Variants in PRCP observed in about 807,000 individuals in gnomAD.
PRCP encodes the protein lysosomal Pro-X carboxypeptidase.
A neutral mutation model predicts 54.2 loss-of-function variants in PRCP; 46 were observed. The observed-to-expected ratio is 0.85, with a 90% CI of 0.67 to 1.09. The LOEUF (loss-of-function observed/expected upper bound fraction) is 1.09, where lower values mean the gene tolerates loss of function less well. Ranked by LOEUF, PRCP falls within the 50% of genes least tolerant of loss-of-function variation. The pLI, the probability that PRCP is intolerant of heterozygous loss-of-function variation, is 0.00. For missense variants in PRCP, 613 were observed against 596.8 expected (o/e 1.03, Z -0.28); for synonymous variants, 240 against 212.2 (o/e 1.13, Z -1.14).
chr11:82,862,042 T>G (rs1859216713), intron 1 of PRCP, among the ~76,000 whole-genome samples: 2 of 151,856 alleles, frequency 1.3e-5, no homozygotes, highest in African/African-American at 4.8e-5. Flanking sequence ...TTAGGTATAT[T>G]CAGTCAGTAA....
intron 1 of PRCP, among the ~76,000 whole-genome samples, chr11:82,861,018 A>G (rs1030718746): frequency 2.6e-5 from 4 of 152,218 alleles, no homozygotes; most frequent in African/African-American, 9.6e-5. Flanking sequence ...AAAACAAATT[A>G]AACATAAAAA....
intron 6 of PRCP, among the ~76,000 whole-genome samples, chr11:82,848,736 A>G (rs1343254632): frequency 6.6e-6 from 1 of 152,334 alleles, no homozygotes; most frequent in East Asian, 1.9e-4. Flanking sequence ...TGCAAAGTAC[A>G]CAGCCCAGGA....
At chr11:82,861,718 A>G (rs1370966292) in intron 1 of PRCP, among the ~76,000 whole-genome samples, 2 of 152,250 alleles carry the variant, frequency 1.3e-5, no homozygotes, top group East Asian at 3.8e-4. Context: ...CTGAAGGTAG[A>G]ACATTTTACA....
At chr11:82,840,737 G>A (rs937378007) in intron 6 of PRCP, 2 of 151,784 alleles carry the variant, frequency 1.3e-5, no homozygotes, top group Non-Finnish European at 2.9e-5. Context: ...AATACACCAT[G>A]TAATCTTCAA....
At position 82,853,206 on chromosome 11, in the gene PRCP, A is replaced by G; in HGVS notation, c.382T>C (p.Ser128Pro). ...VFAEHRYYGE[S>P]LPFGDNSFKD... ...AATGAGTTGTCACCAAAGGGGAGAG[A>G]CTCTCCATAGTATCGATGTTCAGCA... Residue 128 changes from serine (S) to proline (P), a missense_variant, in exon 3 of 9, where the codon TCT (serine) becomes CCT (proline). By Grantham distance (74) the Ser-to-Pro change is moderately conservative. Coordinates refer to ENST00000313010, the MANE Select transcript of PRCP (RefSeq NM_005040.4). 6.2e-7 allele frequency: 1 copy of G among 1,610,574 alleles called. No individual in the cohort carries two copies. The highest frequency in any genetic ancestry group is 8.5e-7 in the Non-Finnish European group (1 of 1,177,910).
At chr11:82,879,712 T>C (rs1859700578) in intron 1 of PRCP, among the ~76,000 whole-genome samples, 2 of 152,306 alleles carry the variant, frequency 1.3e-5, no homozygotes, top group South Asian at 4.1e-4. Flanking sequence ...CAGATGGGGT[T>C]TTGGTGTGGA....
chr11:82,889,806 G>T (rs1236500820), intron 1 of PRCP, among the ~76,000 whole-genome samples: 1 of 152,204 alleles, frequency 6.6e-6, no homozygotes, highest in African/African-American at 2.4e-5. Flanking sequence ...ACAGGATTTT[G>T]TTCTTAATAA....
intron 3 of PRCP, among the ~76,000 whole-genome samples, chr11:82,851,993 T>C (rs527519866): frequency 9.8e-5 from 15 of 152,324 alleles, no homozygotes; most frequent in African/African-American, 3.6e-4. Context: ...TTCATGCTAC[T>C]GACATATTCT....
At chr11:82,838,316 GGTTCT>G (rs1858574706) in intron 8 of PRCP, 66 bp downstream of exon 8, 1 of 1,388,362 alleles carries the variant, frequency 7.2e-7, no homozygotes, top group African/African-American at 1.4e-5. Flanking sequence ...GCATTTCCCT[GGTTCT>G]GTTTTTTCAG....
chr11:82,875,515 G>C (rs1424161471), intron 1 of PRCP, among the ~76,000 whole-genome samples: 1 of 152,134 alleles, frequency 6.6e-6, no homozygotes, highest in Non-Finnish European at 1.5e-5. Context: ...AAACACATAG[G>C]TGACTATAAT....
Position 82,900,230 on chromosome 11 carries a change from C to T in PRCP, c.168+5G>A, listed in dbSNP as rs2121296526. 6.8e-6 allele frequency: 11 copies of T among 1,614,074 alleles called. No homozygotes were observed. Among genetic ancestry groups the T allele is most frequent in the Non-Finnish European group, 9.3e-6 (11 of 1,179,954 alleles). On this transcript the variant is annotated splice_donor_5th_base_variant and intron_variant, in intron 1 of 8. Transcript: ENST00000313010. ...TGGGACGGCGAAGCCCCCGCTCCCC[C>T]TTACCTTCTGTTGGAAGTAGAGAAC... is the stretch of plus-strand genomic sequence containing the variant.
intron 8 of PRCP, chr11:82,835,705 T>C (rs187597230): frequency 3.4e-5 from 11 of 327,944 alleles, no homozygotes; most frequent in African/African-American, 2.2e-4. Context: ...ATGTTCTAGA[T>C]GACTTGAACT....
At chr11:82,831,360 A>T (rs1485955969) in intron 8 of PRCP, 1 of 152,246 alleles carries the variant, frequency 6.6e-6, no homozygotes, top group Non-Finnish European at 1.5e-5. Context: ...CTGATTGCCT[A>T]TTATATATCA....
intron 1 of PRCP, among the ~76,000 whole-genome samples, chr11:82,882,293 C>A (rs7106558): frequency 0.55 from 83,100 of 151,878 alleles, 23,552 homozygotes; most frequent in African/African-American, 0.7. Flanking sequence ...CAGTAGTATT[C>A]ATAGTAATGT....
At chr11:82,867,507 G>T (rs770424116) in intron 1 of PRCP, among the ~76,000 whole-genome samples, 17 of 152,194 alleles carry the variant, frequency 1.1e-4, no homozygotes, top group Non-Finnish European at 2.4e-4. Flanking sequence ...GATTCTATCT[G>T]TTGGTCAAAC....
intron 1 of PRCP, among the ~76,000 whole-genome samples, chr11:82,864,961 G>C (rs556151582): frequency 6.6e-6 from 1 of 152,260 alleles, no homozygotes; most frequent in East Asian, 1.9e-4. Flanking sequence ...ATGGCAACTT[G>C]GGGACAGCGG....
At chr11:82,872,646 G>A (rs1046234267) in intron 1 of PRCP, among the ~76,000 whole-genome samples, 8 of 152,242 alleles carry the variant, frequency 5.3e-5, no homozygotes, top group Non-Finnish European at 7.4e-5. Flanking sequence ...ACTCTTCCCC[G>A]GAGCCCGGAC....
chr11:82,829,004 T>G (rs1858311768), intron 8 of PRCP: 1 of 152,226 alleles, frequency 6.6e-6, no homozygotes, highest in Non-Finnish European at 1.5e-5. Context: ...TCCTGTCATC[T>G]ATATCTTCAA....
chr11:82,835,105 A>G lies in PRCP; in HGVS notation c.1274+3282T>C, dbSNP rs11233333. ...ACAGCTAATGCGTGCTGGATTTAAC[A>G]TCTAGGTGATGGGTTGATAGGTGCA... On this transcript the variant is annotated intron_variant, in intron 8 of 8. Coordinates refer to ENST00000313010, the MANE Select transcript of PRCP (RefSeq NM_005040.4). 5.4e-3 allele frequency among the ~76,000 whole-genome samples: 823 copies of G among 152,324 alleles called. 43 individuals are homozygous for G. The East Asian group carries it at 0.13, about 24-fold the overall frequency.
Sources: allele counts gnomAD v4.1 joint callset (sites outside exome capture counted in the v4.1 genomes callset), GRCh38; gene constraint gnomAD v4.1.1; transcripts MANE v1.5; gene names NCBI Gene and HGNC (gene_info 2026-07-23, HGNC 2026-07-21).